The following OXR1 variants were observed in gnomAD, a reference collection of about 807,000 sequenced individuals.
The protein encoded by OXR1 is oxidation resistance protein 1.
In OXR1, 41 loss-of-function variants were observed where a neutral mutation model predicts 104.6. That is an observed-to-expected ratio of 0.39 (90% CI 0.31 to 0.51). The LOEUF (loss-of-function observed/expected upper bound fraction) is 0.51, where lower values mean the gene tolerates loss of function less well. Among genes scored for constraint, OXR1 ranks in the 20% least tolerant of loss-of-function variants. The pLI is 0.77. For synonymous variants in OXR1, 348 were observed against 348.4 expected (o/e 1.00, Z 0.01); for missense variants, 955 against 1,031.9 (o/e 0.93, Z 1.02).
chr8:106,392,433 G>T (rs1817621029), intron 2 of OXR1, among the ~76,000 whole-genome samples: 1 of 152,132 alleles, frequency 6.6e-6, no homozygotes, highest in Admixed American at 6.6e-5. Context: ...TTAGGTTGGT[G>T]AAGAGACAAG....
At chr8:106,647,166 T>C (rs1824154731) in intron 3 of OXR1, among the ~76,000 whole-genome samples, 2 of 152,226 alleles carry the variant, frequency 1.3e-5, no homozygotes. Flanking sequence ...GTTTTTCTGA[T>C]GAGTGAAGGA....
At chr8:106,602,993 T>C (rs1329378254) in intron 3 of OXR1, among the ~76,000 whole-genome samples, 2 of 152,202 alleles carry the variant, frequency 1.3e-5, no homozygotes, top group African/African-American at 4.8e-5. Context: ...TAATGGTATA[T>C]AAGAAAGCTA....
At chr8:106,704,544 C>T (rs1355391524) in intron 8 of OXR1, among the ~76,000 whole-genome samples, 2 of 151,598 alleles carry the variant, frequency 1.3e-5, no homozygotes, top group Non-Finnish European at 2.9e-5. Flanking sequence ...AATACAGACA[C>T]CTGCCACCAC....
intron 3 of OXR1, among the ~76,000 whole-genome samples, chr8:106,592,871 A>AT (rs1161324191): frequency 2.0e-5 from 3 of 152,198 alleles, no homozygotes; most frequent in African/African-American, 7.2e-5. Context: ...AGATGGTAGG[A>AT]TAAGAGTTTC....
chr8:106,575,985 A>ACACACAC (rs1817797913), intron 3 of OXR1, among the ~76,000 whole-genome samples: 1 of 144,296 alleles, frequency 6.9e-6, no homozygotes, highest in Non-Finnish European at 1.5e-5. Context: ...AAATGTTTAT[A>ACACACAC]ACACACACAC....
At chr8:106,616,546 C>T (rs1821255736) in intron 3 of OXR1, among the ~76,000 whole-genome samples, 1 of 152,098 alleles carries the variant, frequency 6.6e-6, no homozygotes, top group Non-Finnish European at 1.5e-5. Context: ...GAGAATGAAT[C>T]ATCTTGCCAA....
In OXR1 at chr8:106,308,589, G is replaced by A. The variant is rs112771851; in HGVS notation, c.-139+38222G>A. On this transcript the variant is annotated intron_variant, in intron 1 of 16. Coordinates refer to ENST00000517566, the MANE Select transcript of OXR1 (RefSeq NM_001198533.2). ...TTCCCTGTGTATTAGCTGGTTCCTC[G>A]CTATTAATGGCTTTCTAGTTAGATC... Among the ~76,000 whole-genome samples the A allele has an allele frequency of 6.6e-3, 999 of 152,218 alleles. 6 individuals are homozygous for A. The highest frequency in any genetic ancestry group is 0.023 in the African/African-American group (957 of 41,538).
At chr8:106,614,467 GAAGC>G (rs1449061521) in intron 3 of OXR1, among the ~76,000 whole-genome samples, 1 of 152,184 alleles carries the variant, frequency 6.6e-6, no homozygotes, top group African/African-American at 2.4e-5. Context: ...TAGAGATGTA[GAAGC>G]AAGAGCATTT....
At chr8:106,515,994 T>C (rs190654463) in intron 2 of OXR1, among the ~76,000 whole-genome samples, 1 of 152,208 alleles carries the variant, frequency 6.6e-6, no homozygotes, top group East Asian at 1.9e-4. Flanking sequence ...CTTGGCCTCA[T>C]TTAAGAACCT....
chr8:106,605,881 G>A (rs1047956862), intron 3 of OXR1, among the ~76,000 whole-genome samples: 5 of 150,234 alleles, frequency 3.3e-5, no homozygotes, highest in South Asian at 2.1e-4. Context: ...TACTTAGGTT[G>A]AAACAACATA....
chr8:106,432,143 G>A (rs1819386088), intron 2 of OXR1, among the ~76,000 whole-genome samples: 1 of 152,044 alleles, frequency 6.6e-6, no homozygotes, highest in Non-Finnish European at 1.5e-5. Context: ...CTTCCCTAGT[G>A]CATCCCCGAT....
intron 1 of OXR1, among the ~76,000 whole-genome samples, chr8:106,347,596 GA>G (rs922682487): frequency 2.0e-5 from 3 of 151,988 alleles, no homozygotes; most frequent in African/African-American, 7.3e-5. Context: ...CAGGGACTAG[GA>G]AAAAAATTAA....
At chr8:106,674,885 T>TC (rs1827406159) in intron 3 of OXR1, among the ~76,000 whole-genome samples, 2 of 152,148 alleles carry the variant, frequency 1.3e-5, no homozygotes, top group South Asian at 4.1e-4. Flanking sequence ...AGCTGAGGCC[T>TC]CCCCAGCCAT....
At chr8:106,430,215 C>A (rs1416528174) in intron 2 of OXR1, among the ~76,000 whole-genome samples, 1 of 152,090 alleles carries the variant, frequency 6.6e-6, no homozygotes, top group African/African-American at 2.4e-5. Context: ...TTATGTAAAC[C>A]AATGGGCCAA....
intron 2 of OXR1, among the ~76,000 whole-genome samples, chr8:106,509,531 G>C (rs1812383557): frequency 6.6e-6 from 1 of 152,142 alleles, no homozygotes; most frequent in African/African-American, 2.4e-5. Context: ...TCACTAGTTT[G>C]TTGAAAGCGT....
intron 1 of OXR1, among the ~76,000 whole-genome samples, chr8:106,316,729 T>TATCTATCTATC (rs1563714034): frequency 2.7e-3 from 254 of 94,598 alleles, no homozygotes; most frequent in East Asian, 3.6e-3. Context: ...TCTATCTATC[T>TATCTATCTATC]ATCTATCTAT....
intron 2 of OXR1, among the ~76,000 whole-genome samples, chr8:106,414,099 C>G (rs1048451706): frequency 6.6e-6 from 1 of 151,920 alleles, no homozygotes; most frequent in Non-Finnish European, 1.5e-5. Flanking sequence ...TCTTTCTTAA[C>G]CAATAATATT....
chr8:106,375,542 C>T (rs983000318), intron 2 of OXR1, among the ~76,000 whole-genome samples: 1 of 152,074 alleles, frequency 6.6e-6, no homozygotes, highest in African/African-American at 2.4e-5. Context: ...ATCATCAGAA[C>T]ATATATGGGG....
At position 106,491,359 on chromosome 8, in the gene OXR1, T is replaced by C. The variant is rs562884858; in HGVS notation, c.24-27584T>C. On this transcript the variant is annotated intron_variant, in intron 2 of 16. Coordinates refer to ENST00000517566, the MANE Select transcript of OXR1 (RefSeq NM_001198533.2). Reference sequence around the variant, plus strand: ...ATGTATGTGCAGACAAACATATTCATTTGCCTACAGACAAACACATACATA... The same window carrying C: ...ATGTATGTGCAGACAAACATATTCACTTGCCTACAGACAAACACATACATA... 5.9e-5 allele frequency among the ~76,000 whole-genome samples: 9 copies of C among 152,366 alleles called. No homozygotes were observed. In the South Asian group the frequency reaches 1.9e-3, roughly 32 times the overall value.
Sources: allele counts gnomAD v4.1 joint callset (sites outside exome capture counted in the v4.1 genomes callset), GRCh38; gene constraint gnomAD v4.1.1; transcripts MANE v1.5; gene names NCBI Gene and HGNC (gene_info 2026-07-23, HGNC 2026-07-21).